Variants in NPAS3 observed in about 807,000 individuals in gnomAD.
The protein encoded by NPAS3 is neuronal PAS domain protein 3, also known as neuronal PAS domain-containing protein 3.
Under a neutral mutation model 73.1 loss-of-function variants are expected in NPAS3, and 14 were observed. That is an observed-to-expected ratio of 0.19 (90% CI 0.13 to 0.30). The LOEUF (loss-of-function observed/expected upper bound fraction) is 0.30. Among genes scored for constraint, NPAS3 ranks in the 10% least tolerant of loss-of-function variants. The pLI is 1.00. For missense variants in NPAS3, 1,096 were observed against 1,250.0 expected (o/e 0.88, Z 1.86); for synonymous variants, 620 against 541.5 (o/e 1.14, Z -2.01).
intron 5 of NPAS3, among the ~76,000 whole-genome samples, chr14:33,565,845 T>C (rs551745450): frequency 3.3e-5 from 5 of 152,160 alleles, no homozygotes; most frequent in Non-Finnish European, 5.9e-5. Context: ...CAAATACTGC[T>C]TTATGGCCCC....
chr14:33,005,264 G>A (rs2038961547), intron 1 of NPAS3, among the ~76,000 whole-genome samples: 1 of 152,148 alleles, frequency 6.6e-6, no homozygotes, highest in Admixed American at 6.5e-5. Context: ...ATGTTGCGAT[G>A]ATAGCTACAA....
At chr14:33,796,264 C>T (rs924711517) in intron 10 of NPAS3, among the ~76,000 whole-genome samples, 8 of 152,216 alleles carry the variant, frequency 5.3e-5, no homozygotes, top group Admixed American at 1.3e-4. Flanking sequence ...TCTGAAACTA[C>T]TGCTCCTCCA....
rs528481358 is a variant in NPAS3 at position 32,943,020 on chromosome 14, G to A, written c.50+3654G>A. Among the ~76,000 whole-genome samples the A allele has an allele frequency of 3.9e-5, 6 of 152,238 alleles. No homozygotes were observed. In the South Asian group the frequency reaches 1.2e-3, roughly 32 times the overall value. The stretch of plus-strand genomic sequence containing the variant: ...AGTTATAATGACCTTTATTATGTAA[G>A]ACCCTCCCTCATTACAACATCTTTT... On this transcript the variant is annotated intron_variant, in intron 1 of 11. Coordinates refer to ENST00000356141, the Ensembl canonical transcript of NPAS3.
chr14:33,249,535 G>A (rs2139880625), intron 3 of NPAS3, among the ~76,000 whole-genome samples: 1 of 152,134 alleles, frequency 6.6e-6, no homozygotes, highest in Admixed American at 6.6e-5. Context: ...TGCCTCTGGG[G>A]CTGACCTCTA....
intron 2 of NPAS3, among the ~76,000 whole-genome samples, chr14:33,132,546 G>C (rs73268696): frequency 0.013 from 1,964 of 152,180 alleles, 38 homozygotes; most frequent in African/African-American, 0.044. Context: ...ATCATCAAGA[G>C]GCACCAAGTG....
chr14:33,652,223 G>A (rs2059015560), intron 5 of NPAS3, among the ~76,000 whole-genome samples: 1 of 152,128 alleles, frequency 6.6e-6, no homozygotes, highest in South Asian at 2.1e-4. Context: ...TGTAATGGGT[G>A]TCAAGGACTT....
intron 1 of NPAS3, among the ~76,000 whole-genome samples, chr14:32,976,495 G>C (rs1283214401): frequency 6.6e-6 from 1 of 152,156 alleles, no homozygotes; most frequent in Non-Finnish European, 1.5e-5. Context: ...AAATGGAGTG[G>C]TACACATGTA....
chr14:33,684,046 G>A (rs548883668), intron 6 of NPAS3, among the ~76,000 whole-genome samples: 2 of 152,226 alleles, frequency 1.3e-5, no homozygotes, highest in East Asian at 3.9e-4. Flanking sequence ...TTGTGGCCAA[G>A]ATTAGAGGAA....
intron 3 of NPAS3, among the ~76,000 whole-genome samples, chr14:33,261,312 AG>A (rs1029230297): frequency 2.0e-5 from 3 of 151,402 alleles, no homozygotes; most frequent in Non-Finnish European, 4.4e-5. Context: ...AAAAAAAAAA[AG>A]AACTCATTTT....
At chr14:32,941,992 G>A (rs2036036250) in intron 1 of NPAS3, among the ~76,000 whole-genome samples, 1 of 152,166 alleles carries the variant, frequency 6.6e-6, no homozygotes, top group Non-Finnish European at 1.5e-5. Flanking sequence ...GATTTGTTTA[G>A]GAGGGGGCTG....
chr14:33,629,537 A>G (rs923458390), intron 5 of NPAS3, among the ~76,000 whole-genome samples: 5 of 151,446 alleles, frequency 3.3e-5, no homozygotes, highest in African/African-American at 9.7e-5. Flanking sequence ...GATAGCAGTG[A>G]GGCTTGTACT....
At chr14:33,609,847 G>A (rs2057695842) in intron 5 of NPAS3, among the ~76,000 whole-genome samples, 2 of 152,182 alleles carry the variant, frequency 1.3e-5, no homozygotes, top group African/African-American at 4.8e-5. Context: ...CCAATCAGGA[G>A]TTCGCAAGCA....
chr14:33,069,376 T>C lies in NPAS3; in HGVS notation c.140+13382T>C, dbSNP rs371392736. ...CTTCTCAATAACATTGCAAGTTCCT[T>C]AGAGATATTTATTCATTTATTCAGT... On this transcript the variant is annotated intron_variant, in intron 2 of 11. Transcript: ENST00000356141. Among the ~76,000 whole-genome samples, 134 of 152,348 alleles carry C rather than the reference T, an allele frequency of 8.8e-4. 3 individuals carry two copies. The South Asian group carries it at 0.027, about 31-fold the overall frequency.
intron 2 of NPAS3, among the ~76,000 whole-genome samples, chr14:33,159,204 T>C (rs1428396013): frequency 6.6e-6 from 1 of 152,064 alleles, no homozygotes; most frequent in Non-Finnish European, 1.5e-5. Context: ...AACCAAAATA[T>C]TACTGTAATT....
chr14:33,718,978 T>A (rs7144336), intron 6 of NPAS3, among the ~76,000 whole-genome samples: 63,689 of 151,808 alleles, frequency 0.42, 14,364 homozygotes, highest in Non-Finnish European at 0.51. Flanking sequence ...AATACAAAAA[T>A]CTAGCCAGGT....
chr14:33,062,565 C>T (rs1444885546), intron 2 of NPAS3, among the ~76,000 whole-genome samples: 3 of 152,116 alleles, frequency 2.0e-5, no homozygotes, highest in African/African-American at 7.2e-5. Flanking sequence ...ATTGGTTTCA[C>T]CGGAGTGTAT....
intron 3 of NPAS3, among the ~76,000 whole-genome samples, chr14:33,329,648 CGATGGGGTAGGCAGGGGCAT>C (rs2043888419): frequency 6.6e-6 from 1 of 151,778 alleles, no homozygotes; most frequent in Non-Finnish European, 1.5e-5. Flanking sequence ...GGCAGGGGCA[CGATGGGGTAGGCAGGGGCAT>C]GATCCTTCAC....
chr14:33,062,301 GA>G (rs34914631), intron 2 of NPAS3, among the ~76,000 whole-genome samples: 28,920 of 146,500 alleles, frequency 0.2, 3,003 homozygotes, highest in South Asian at 0.27. Context: ...AAAAAAAAAA[GA>G]AAAAAAAAAA....
chr14:33,374,709 G>T (rs556550409), intron 4 of NPAS3, among the ~76,000 whole-genome samples: 21 of 149,594 alleles, frequency 1.4e-4, no homozygotes, highest in Admixed American at 2.0e-4. Flanking sequence ...CGGGGCGGGG[G>T]GGGGAGTAGA....
Sources: allele counts gnomAD v4.1 joint callset (sites outside exome capture counted in the v4.1 genomes callset), GRCh38; gene constraint gnomAD v4.1.1; transcripts MANE v1.5; gene names NCBI Gene and HGNC (gene_info 2026-07-23, HGNC 2026-07-21).